FCGR2B: variants seen among roughly 807,000 people sequenced by gnomAD.
FCGR2B encodes Fc gamma receptor IIb.
Under a neutral mutation model 24.8 loss-of-function variants are expected in FCGR2B, and 18 were observed. That is an observed-to-expected ratio of 0.73 (90% CI 0.50 to 1.08). FCGR2B has a LOEUF of 1.08. FCGR2B is among the 50% of genes least tolerant of loss of function. The pLI is 0.00. For synonymous variants in FCGR2B, 79 were observed against 109.8 expected, an observed-to-expected ratio of 0.72 and a Z score of 1.75; for missense variants, 215 against 297.6, an observed-to-expected ratio of 0.72 and a Z score of 2.04.
intron 3 of FCGR2B, 190 bp from the exon 4 acceptor site, chr1:161,672,783 CTG>C: frequency 2.2e-6 from 2 of 913,056 alleles, no homozygotes; most frequent in Non-Finnish European, 3.3e-6. Context: ...AATGAGGAAA[CTG>C]AGGCTCAGAA....
the FCGR2B span, among the ~76,000 whole-genome samples, chr1:161,651,780 A>G: frequency 4.1e-5 from 5 of 121,054 alleles, no homozygotes; most frequent in African/African-American, 1.4e-4. Context: ...CTAAAAACAC[A>G]AAATTAGCCA....
At chr1:161,649,349 C>T in the FCGR2B span, among the ~76,000 whole-genome samples, 1 of 150,848 alleles carries the variant, frequency 6.6e-6, no homozygotes, top group African/African-American at 2.4e-5. Flanking sequence ...TACCTTTTAC[C>T]TCTTTAAAAG....
intron 2 of FCGR2B, 50 bp from the exon 3 acceptor site, chr1:161,671,342 A>C (rs767705228): frequency 6.2e-7 from 1 of 1,613,780 alleles, no homozygotes; most frequent in East Asian, 2.2e-5. Context: ...GGGCCTCTCA[A>C]GCTCCTGGGC....
At position 161,673,237 on chromosome 1, in the gene FCGR2B, G is replaced by A. The variant is rs1360073772; in HGVS notation, c.646+8G>A. ...TGACCATCACTGTCCAAGGTATGCG[G>A]AGTCTGCCAAGATGTAAGGAGGGGA... On this transcript the variant is annotated splice_region_variant and intron_variant, in intron 4 of 7. Transcript: ENST00000358671. The A allele has an allele frequency of 6.3e-7, 1 of 1,589,672 alleles. No individual in the cohort carries two copies. The highest frequency in any genetic ancestry group is 8.6e-7 in the Non-Finnish European group (1 of 1,167,846).
Position 161,677,485 on chromosome 1 carries a change from A to C in FCGR2B, c.865A>C (p.Thr289Pro). Residue 289 changes from threonine (T) to proline (P), a missense_variant, in exon 8 of 8, where the codon ACA (threonine) becomes CCA (proline). Physicochemically the swap from Thr to Pro is conservative, Grantham distance 38 (BLOSUM62 -1). Around this residue, in one of 5 missense-constraint regions of FCGR2B, gnomAD observed 81 missense variants for 81.6 expected, o/e 0.99. Coordinates refer to ENST00000358671, the MANE Select transcript of FCGR2B (RefSeq NM_001394477.1). The stretch of plus-strand genomic sequence containing the variant: ...TTTCTGCCTTCTCTAGGCTGAGAAC[A>C]CAATCACCTATTCACTTCTCATGCA... ...DEADKVGAEN[T>P]ITYSLLMHPD... 1 of 1,613,976 alleles carries C rather than the reference A, an allele frequency of 6.2e-7. No individual in the cohort carries two copies. The highest frequency in any genetic ancestry group is 8.5e-7 in the Non-Finnish European group (1 of 1,179,874).
chr1:161,650,220 T>A, the FCGR2B span, among the ~76,000 whole-genome samples: 1 of 147,164 alleles, frequency 6.8e-6, no homozygotes, highest in African/African-American at 2.5e-5. Context: ...CAGGCTGGTC[T>A]CAAACTCCTG....
At chr1:161,673,545 T>C (rs750217680) in intron 4 of FCGR2B, 3 of 724,434 alleles carry the variant, frequency 4.1e-6, no homozygotes, top group Non-Finnish European at 7.6e-6. Flanking sequence ...TCCTAAGAAC[T>C]GAGGTTTGCC....
At chr1:161,676,093 G>A (rs1272098500) in intron 6 of FCGR2B, 5 of 230,638 alleles carry the variant, frequency 2.2e-5, no homozygotes, top group Non-Finnish European at 4.3e-5. Flanking sequence ...GTGGGAGTGT[G>A]TAAAGGAACT....
chr1:161,675,508 T>C, intron 6 of FCGR2B, 195 bp downstream of exon 6: 1 of 470,498 alleles, frequency 2.1e-6, no homozygotes, highest in Non-Finnish European at 3.8e-6. Flanking sequence ...TCTCTGGAGA[T>C]GAGAAGAGAA....
chr1:161,654,171 A>G, the FCGR2B span, among the ~76,000 whole-genome samples: 1 of 136,790 alleles, frequency 7.3e-6, no homozygotes, highest in African/African-American at 2.5e-5. Context: ...TTTTCAGGGC[A>G]GTGGCTAAGA....
At chr1:161,647,295 C>CTTTTTTT in the FCGR2B span, among the ~76,000 whole-genome samples, 33 of 131,554 alleles carry the variant, frequency 2.5e-4, no homozygotes, top group East Asian at 1.5e-3. Context: ...TTGCTCTGGA[C>CTTTTTTT]TCTTTTTTTT....
chr1:161,661,184 A>AG (rs1681000213), upstream of FCGR2B, among the ~76,000 whole-genome samples: 2 of 119,888 alleles, frequency 1.7e-5, no homozygotes, highest in African/African-American at 3.6e-5. Context: ...GAAGGAAGGA[A>AG]GAAAGGAAAG....
the FCGR2B span, among the ~76,000 whole-genome samples, chr1:161,648,115 G>A: frequency 6.0e-5 from 9 of 150,186 alleles, no homozygotes; most frequent in Non-Finnish European, 1.0e-4. Context: ...ATAGGATTGG[G>A]CAGAATCTGA....
chr1:161,648,747 T>A, the FCGR2B span, among the ~76,000 whole-genome samples: 1 of 150,758 alleles, frequency 6.6e-6, no homozygotes, highest in Non-Finnish European at 1.5e-5. Flanking sequence ...TGGAGTACAG[T>A]GGCGCAAGCT....
intron 6 of FCGR2B, 109 bp downstream of exon 6, chr1:161,675,422 A>T: frequency 2.7e-6 from 2 of 730,966 alleles, no homozygotes; most frequent in Non-Finnish European, 4.4e-6. Context: ...CCAGGGAGGG[A>T]GCAGCAGTGG....
chr1:161,649,145 T>C, the FCGR2B span, among the ~76,000 whole-genome samples: 2 of 150,902 alleles, frequency 1.3e-5, no homozygotes, highest in Admixed American at 1.3e-4. Flanking sequence ...AGTAGTAATT[T>C]CTGACACATC....
the FCGR2B span, among the ~76,000 whole-genome samples, chr1:161,654,763 C>T: frequency 7.3e-6 from 1 of 137,034 alleles, no homozygotes; most frequent in African/African-American, 2.5e-5. Flanking sequence ...ATATCCTAGC[C>T]CTCTTTAGAA....
At chr1:161,669,444 G>C (rs1287515525) in intron 1 of FCGR2B, among the ~76,000 whole-genome samples, 1 of 139,054 alleles carries the variant, frequency 7.2e-6, no homozygotes, top group Non-Finnish European at 1.6e-5. Context: ...GGTGGCGCGG[G>C]CCTGTAATCC....
In FCGR2B at chr1:161,677,981, A is replaced by G. The variant is rs1319535282; in HGVS notation, c.*428A>G. 2 of 225,870 alleles carry G rather than the reference A, an allele frequency of 8.9e-6. No individual in the cohort carries two copies. The highest frequency in any genetic ancestry group is 1.8e-5 in the Non-Finnish European group (2 of 113,772). 14.0% of individuals were successfully genotyped at this position (225,870 alleles called of 1,614,324 possible). A position where few individuals can be genotyped will look rare whatever the true frequency, so the allele number is the denominator to read the frequency against. ...GTGATTGTTTCTGGGTGATAAAATT[A>G]TTGATGATTTTTATTTTCTTTATTT... On this transcript the variant is annotated 3_prime_UTR_variant, in exon 8 of 8. Coordinates refer to ENST00000358671, the MANE Select transcript of FCGR2B (RefSeq NM_001394477.1).
Sources: allele counts gnomAD v4.1 joint callset (sites outside exome capture counted in the v4.1 genomes callset), GRCh38; gene constraint gnomAD v4.1.1; regional missense constraint gnomAD v4.1.1; transcripts MANE v1.5; gene names NCBI Gene and HGNC (gene_info 2026-07-23, HGNC 2026-07-21).